The following RPSA2 variants were observed in gnomAD, a reference collection of about 807,000 sequenced individuals.
The protein encoded by RPSA2 is small ribosomal subunit protein uS2B.
the RPSA2 span, chr19:23,827,565 C>T: frequency 1.7e-4 from 266 of 1,591,066 alleles, no homozygotes; most frequent in African/African-American, 1.0e-3. Flanking sequence ...CAGCCTCTCA[C>T]GGAGGCATCT....
the RPSA2 span, among the ~76,000 whole-genome samples, chr19:23,831,380 A>T: frequency 6.6e-6 from 1 of 152,126 alleles, no homozygotes; most frequent in Non-Finnish European, 1.5e-5. Flanking sequence ...CTCACCTGGA[A>T]CACTGCACAC....
the RPSA2 span, among the ~76,000 whole-genome samples, chr19:23,821,496 T>TTC: frequency 6.6e-6 from 1 of 152,198 alleles, no homozygotes; most frequent in Non-Finnish European, 1.5e-5. Context: ...GAGGGACTTC[T>TTC]TCCCTGCCTC....
chr19:23,793,856 G>T, the RPSA2 span, among the ~76,000 whole-genome samples: 2 of 152,066 alleles, frequency 1.3e-5, no homozygotes, highest in African/African-American at 2.4e-5. Context: ...GAGCCATCCC[G>T]CCAGGCCAAG....
the RPSA2 span, among the ~76,000 whole-genome samples, chr19:23,769,989 C>T: frequency 6.6e-6 from 1 of 152,168 alleles, no homozygotes; most frequent in African/African-American, 2.4e-5. Flanking sequence ...TATCACTGGG[C>T]CCAGCACCTA....
the RPSA2 span, among the ~76,000 whole-genome samples, chr19:23,786,422 A>C: frequency 6.6e-6 from 1 of 152,002 alleles, no homozygotes; most frequent in South Asian, 2.1e-4. Flanking sequence ...TGGATCCAGC[A>C]CCTCGGTGAT....
the RPSA2 span, among the ~76,000 whole-genome samples, chr19:23,815,464 C>T: frequency 6.6e-6 from 1 of 152,106 alleles, no homozygotes; most frequent in Non-Finnish European, 1.5e-5. Context: ...GCTCCTTCAC[C>T]TCATACTTGC....
chr19:23,773,424 C>T, the RPSA2 span, among the ~76,000 whole-genome samples: 9,850 of 151,960 alleles, frequency 0.065, 480 homozygotes, highest in East Asian at 0.22. Flanking sequence ...GCTGGGATTA[C>T]AGGCACGCAC....
At chr19:23,827,725 C>G in the RPSA2 span, 1 of 1,580,310 alleles carries the variant, frequency 6.3e-7, no homozygotes, top group Non-Finnish European at 8.6e-7. Context: ...TGCGTGGCAC[C>G]ATTTCCCGTG....
the RPSA2 span, among the ~76,000 whole-genome samples, chr19:23,797,640 T>A: frequency 6.6e-6 from 1 of 152,220 alleles, no homozygotes; most frequent in Non-Finnish European, 1.5e-5. Flanking sequence ...GTTTTGTTAA[T>A]TTTCTTCTTC....
At chr19:23,790,651 T>A in the RPSA2 span, 1 of 324,076 alleles carries the variant, frequency 3.1e-6, no homozygotes. Flanking sequence ...CAGATGGAGC[T>A]CCAGGTGTCG....
the RPSA2 span, among the ~76,000 whole-genome samples, chr19:23,787,443 A>C: frequency 6.6e-6 from 1 of 151,552 alleles, no homozygotes; most frequent in Non-Finnish European, 1.5e-5. Flanking sequence ...TCTACTAAAA[A>C]AAGAAAAATA....
At chr19:23,776,269 G>A in the RPSA2 span, among the ~76,000 whole-genome samples, 4 of 152,162 alleles carry the variant, frequency 2.6e-5, no homozygotes, top group East Asian at 1.9e-4. Flanking sequence ...CAGATGAATC[G>A]TGACATATCG....
chr19:23,779,261 A>G, the RPSA2 span, among the ~76,000 whole-genome samples: 2 of 151,902 alleles, frequency 1.3e-5, no homozygotes, highest in Admixed American at 6.6e-5. Flanking sequence ...CAGCCTCCCA[A>G]AGTGCTGGGA....
At chr19:23,863,532 C>A in the RPSA2 span, among the ~76,000 whole-genome samples, 1 of 141,654 alleles carries the variant, frequency 7.1e-6, no homozygotes, top group Non-Finnish European at 1.5e-5. Flanking sequence ...CCACTGTACT[C>A]CAGTCTGGGA....
the RPSA2 span, among the ~76,000 whole-genome samples, chr19:23,858,738 C>T: frequency 1.3e-5 from 2 of 152,158 alleles, no homozygotes; most frequent in South Asian, 4.1e-4. Flanking sequence ...CTCCATCTTC[C>T]CTTGTCTTTG....
chr19:23,842,847 C>G, the RPSA2 span, among the ~76,000 whole-genome samples: 1 of 152,170 alleles, frequency 6.6e-6, no homozygotes, highest in Non-Finnish European at 1.5e-5. Context: ...TTTATCTTAA[C>G]AGGAACCATC....
chr19:23,804,997 C>T, the RPSA2 span, among the ~76,000 whole-genome samples: 1 of 43,734 alleles, frequency 2.3e-5, no homozygotes, highest in East Asian at 1.0e-3. Flanking sequence ...AAAGAGGGGT[C>T]CAGGAACCTG....
chr19:23,822,701 A>G, the RPSA2 span, among the ~76,000 whole-genome samples: 1 of 152,108 alleles, frequency 6.6e-6, no homozygotes, highest in Non-Finnish European at 1.5e-5. Context: ...CTCCTGGGAC[A>G]GGGGCTCAGA....
the RPSA2 span, among the ~76,000 whole-genome samples, chr19:23,828,409 A>G: frequency 7.0e-6 from 1 of 143,642 alleles, no homozygotes; most frequent in Non-Finnish European, 1.5e-5. Flanking sequence ...ATTTCTTCAA[A>G]AATGCAATGA....
Sources: allele counts gnomAD v4.1 joint callset (sites outside exome capture counted in the v4.1 genomes callset), GRCh38; gene constraint gnomAD v4.1.1; transcripts MANE v1.5; gene names NCBI Gene and HGNC (gene_info 2026-07-23, HGNC 2026-07-21).